The following LMO1 variants were observed in gnomAD, a reference collection of about 807,000 sequenced individuals.
LMO1 encodes rhombotin-1.
In LMO1, 10 loss-of-function variants were observed where a neutral mutation model predicts 18.0. The ratio of observed to expected loss-of-function variants is 0.55; its 90% CI spans 0.34 to 0.94. The LOEUF (loss-of-function observed/expected upper bound fraction) is 0.94. LMO1 is among the 40% of genes least tolerant of loss of function. The pLI, the probability that LMO1 is intolerant of heterozygous loss-of-function variation, is 0.02. For missense variants in LMO1, 183 were observed against 205.7 expected (o/e 0.89, Z 0.68); for synonymous variants, 77 against 77.9 (o/e 0.99, Z 0.06).
At chr11:8,234,578 C>G (rs204925) in intron 1 of LMO1, among the ~76,000 whole-genome samples, 97,592 of 151,960 alleles carry the variant, frequency 0.64, 33,154 homozygotes, top group South Asian at 0.79. Flanking sequence ...TCCAAGGCCA[C>G]TCTTCCAGCC....
rs908763079 is a variant in LMO1, at chr11:8,251,900, A to T, written c.25+11438T>A. Among the ~76,000 whole-genome samples the T allele has an allele frequency of 1.0e-3, 139 of 133,332 alleles. 2 individuals carry two copies. The highest frequency in any genetic ancestry group is 3.7e-3 in the Middle Eastern group (1 of 268). The allele number at this position is 133,332 out of a possible 152,430, so 87.5% of individuals were successfully genotyped here. A position where few individuals can be genotyped will look rare whatever the true frequency, so the allele number is the denominator to read the frequency against. ...GTGTGTGTGTATAGGTGTGTATGGG[A>T]GTGTGTGGTGGGTGTGTGGTGGGTG... On this transcript the variant is annotated intron_variant, in intron 1 of 3. Coordinates refer to ENST00000335790, the MANE Select transcript of LMO1 (RefSeq NM_002315.3).
intron 1 of LMO1, among the ~76,000 whole-genome samples, chr11:8,238,206 C>T (rs1184162648): frequency 2.0e-5 from 3 of 151,994 alleles, no homozygotes; most frequent in Non-Finnish European, 2.9e-5. Context: ...TATATTCGTA[C>T]AATGGAATAG....
chr11:8,254,162 T>C (rs1847050964), intron 1 of LMO1, among the ~76,000 whole-genome samples: 1 of 152,174 alleles, frequency 6.6e-6, no homozygotes, highest in East Asian at 1.9e-4. Context: ...CAAGTGGAAA[T>C]TAGAAATCAA....
chr11:8,233,957 C>T (rs778484673), intron 1 of LMO1, among the ~76,000 whole-genome samples: 5 of 152,110 alleles, frequency 3.3e-5, no homozygotes, highest in Non-Finnish European at 7.4e-5. Flanking sequence ...AAAGCATTAC[C>T]CAGTAATTAC....
In LMO1 at chr11:8,230,375, G is replaced by A. The variant is rs753207049; in HGVS notation, c.155C>T (p.Ala52Val). The stretch of plus-strand genomic sequence containing the variant: ...CTCGCCCAGGCGGCAGTCACAGCAG[G>A]CACACTTGAGGCAGTCTTCGTGCCA... ...KYWHEDCLKC[A>V]CCDCRLGEVG... is the part of the protein sequence containing the mutation. The change falls in exon 2 of 4, where the codon GCC (alanine) becomes GTC (valine). Residue 52 changes from alanine (A) to valine (V), a missense_variant. Transcript: ENST00000335790. 3 of 1,613,950 alleles carry A rather than the reference G, an allele frequency of 1.9e-6. No homozygotes were observed. The highest frequency in any genetic ancestry group is 2.5e-6 in the Non-Finnish European group (3 of 1,179,920).
intron 3 of LMO1, 64 bp downstream of exon 3, chr11:8,226,911 C>G (rs1337962365): frequency 6.4e-7 from 1 of 1,553,800 alleles, no homozygotes; most frequent in African/African-American, 1.4e-5. Flanking sequence ...TGCTCCTGGC[C>G]CATCCCAGCA....
intron 1 of LMO1, among the ~76,000 whole-genome samples, chr11:8,256,933 G>C (rs952190305): frequency 1.3e-5 from 2 of 152,242 alleles, no homozygotes; most frequent in African/African-American, 2.4e-5. Context: ...CCACAAGAAA[G>C]ATAGCAGGTG....
chr11:8,257,192 C>T (rs890811917), intron 1 of LMO1, among the ~76,000 whole-genome samples: 1 of 152,172 alleles, frequency 6.6e-6, no homozygotes, highest in Non-Finnish European at 1.5e-5. Context: ...CAAGTTGACT[C>T]CACTGGTGTA....
chr11:8,266,550 C>T (rs866992182), upstream of LMO1, among the ~76,000 whole-genome samples: 1 of 152,194 alleles, frequency 6.6e-6, no homozygotes, highest in Non-Finnish European at 1.5e-5. Flanking sequence ...CTCGAAATGC[C>T]TCTGGGAATG....
intron 1 of LMO1, 100 bp downstream of exon 1, chr11:8,263,238 G>A (rs1204010149): frequency 2.4e-6 from 3 of 1,267,328 alleles, no homozygotes; most frequent in Non-Finnish European, 3.2e-6. Context: ...TCCCCGCACA[G>A]CCCAGCAGGT....
intron 3 of LMO1, among the ~76,000 whole-genome samples, chr11:8,225,709 A>AC (rs1221776826): frequency 6.6e-6 from 1 of 152,004 alleles, no homozygotes; most frequent in East Asian, 1.9e-4. Context: ...CTTTAGTGAG[A>AC]CCCCAAGATC....
At chr11:8,231,337 G>A (rs567870100) in intron 1 of LMO1, among the ~76,000 whole-genome samples, 17 of 152,356 alleles carry the variant, frequency 1.1e-4, no homozygotes, top group African/African-American at 3.4e-4. Flanking sequence ...CTCCCGTCGC[G>A]GCAGGCGAGC....
At chr11:8,234,403 A>G (rs867772429) in intron 1 of LMO1, among the ~76,000 whole-genome samples, 2 of 151,918 alleles carry the variant, frequency 1.3e-5, no homozygotes, top group Non-Finnish European at 2.9e-5. Flanking sequence ...GCAGTCCACT[A>G]GGCCAGACCC....
intron 1 of LMO1, among the ~76,000 whole-genome samples, chr11:8,259,821 C>T (rs1260685986): frequency 6.6e-6 from 1 of 152,204 alleles, no homozygotes; most frequent in African/African-American, 2.4e-5. Context: ...TTAACTGAGT[C>T]GGCTGTGGAA....
At chr11:8,259,224 T>C (rs1179020243) in intron 1 of LMO1, among the ~76,000 whole-genome samples, 2 of 152,232 alleles carry the variant, frequency 1.3e-5, no homozygotes, top group African/African-American at 4.8e-5. Context: ...GTTGTTTCCC[T>C]GTCCCCCCTT....
chr11:8,262,252 C>G (rs541526736), intron 1 of LMO1, among the ~76,000 whole-genome samples: 2 of 152,364 alleles, frequency 1.3e-5, no homozygotes. Flanking sequence ...CCTACCCTTT[C>G]GGTACCTCAC....
chr11:8,237,940 T>C (rs1440560473), intron 1 of LMO1, among the ~76,000 whole-genome samples: 1 of 152,234 alleles, frequency 6.6e-6, no homozygotes, highest in Admixed American at 6.5e-5. Context: ...CTTTAAAGGA[T>C]TGAGGATTAA....
chr11:8,236,075 C>T (rs1346117290), intron 1 of LMO1, among the ~76,000 whole-genome samples: 2 of 152,238 alleles, frequency 1.3e-5, no homozygotes, highest in African/African-American at 4.8e-5. Flanking sequence ...ATCTGTCCAA[C>T]AGGCTGTTCC....
intron 1 of LMO1, among the ~76,000 whole-genome samples, chr11:8,254,085 A>G (rs997673403): frequency 1.3e-5 from 2 of 152,212 alleles, no homozygotes; most frequent in African/African-American, 4.8e-5. Flanking sequence ...GCGGCGTATG[A>G]GAGGAAAATT....
Sources: gnomAD v4.1 joint callset for allele counts (sites outside exome capture counted in the v4.1 genomes callset) on GRCh38, gnomAD v4.1.1 for gene constraint, MANE v1.5 for transcripts, NCBI Gene and HGNC (gene_info 2026-07-23, HGNC 2026-07-21) for gene names.